The following SMAD3 variants were observed in gnomAD, a reference collection of about 807,000 sequenced individuals.
SMAD3 encodes the protein MAD homolog 3.
Under a neutral mutation model 51.8 loss-of-function variants are expected in SMAD3, and 12 were observed. That is an observed-to-expected ratio of 0.23 (90% CI 0.15 to 0.38). The LOEUF (loss-of-function observed/expected upper bound fraction) is 0.38. Ranked by LOEUF, SMAD3 falls within the 10% of genes least tolerant of loss-of-function variation. The pLI is 1.00. For missense variants in SMAD3, 294 were observed against 565.6 expected (o/e 0.52, Z 4.87); for synonymous variants, 238 against 227.7 (o/e 1.05, Z -0.41).
intron 5 of SMAD3, 21 bp downstream of exon 5, chr15:67,170,625 A>T (rs374087443): frequency 1.2e-6 from 2 of 1,608,192 alleles, no homozygotes; most frequent in Admixed American, 3.3e-5. Flanking sequence ...CCTTGTGCAC[A>T]CAACTGGAAC....
At chr15:67,118,058 T>C (rs1282442911) in intron 1 of SMAD3, among the ~76,000 whole-genome samples, 1 of 152,234 alleles carries the variant, frequency 6.6e-6, no homozygotes, top group African/African-American at 2.4e-5. Context: ...CACCGTTGCA[T>C]TCCAGCCTGG....
chr15:67,114,109 T>C (rs1370802001), intron 1 of SMAD3, among the ~76,000 whole-genome samples: 2 of 152,030 alleles, frequency 1.3e-5, no homozygotes, highest in African/African-American at 2.4e-5. Context: ...GCAGGTGGGG[T>C]TGTGTGCCCT....
chr15:67,119,181 C>T (rs551593556), intron 1 of SMAD3, among the ~76,000 whole-genome samples: 60 of 152,262 alleles, frequency 3.9e-4, no homozygotes, highest in African/African-American at 1.4e-3. Flanking sequence ...AGATGGTGCA[C>T]AGTGACATTG....
At chr15:67,161,064 T>C (rs1962418921) in intron 1 of SMAD3, among the ~76,000 whole-genome samples, 1 of 152,180 alleles carries the variant, frequency 6.6e-6, no homozygotes, top group Non-Finnish European at 1.5e-5. Context: ...CCTGTTTTCT[T>C]CTAGACATTT....
At position 67,190,469 on chromosome 15, in the gene SMAD3, T is replaced by G; in HGVS notation, c.1211T>G (p.Leu404Trp). The G allele has an allele frequency of 6.2e-7, 1 of 1,614,076 alleles. No homozygotes were observed. The highest frequency in any genetic ancestry group is 8.5e-7 in the Non-Finnish European group (1 of 1,179,940). ...ATTGAGCTGCACCTGAATGGGCCTT[T>G]GCAGTGGCTTGACAAGGTCCTCACC... ...CWIELHLNGPLQWLDKVLTQM... is the reference protein window; with the variant it reads ...CWIELHLNGPWQWLDKVLTQM... The change falls in exon 9 of 9, where the codon TTG (leucine) becomes TGG (tryptophan). Residue 404 changes from leucine (L) to tryptophan (W), a missense_variant. Leu to Trp is a moderately conservative substitution (Grantham distance 61). Transcript: ENST00000327367.
At chr15:67,180,144 G>A (rs1266645611) in intron 5 of SMAD3, among the ~76,000 whole-genome samples, 2 of 152,208 alleles carry the variant, frequency 1.3e-5, no homozygotes, top group Non-Finnish European at 2.9e-5. Context: ...CCAGCAGTCA[G>A]TGCAGTGCAG....
chr15:67,175,213 G>A (rs551227104), intron 5 of SMAD3, among the ~76,000 whole-genome samples: 5 of 152,306 alleles, frequency 3.3e-5, no homozygotes, highest in South Asian at 4.1e-4. Context: ...TGATTAGGGC[G>A]GAGCCATGAC....
At chr15:67,136,519 CAG>C (rs1248987933) in intron 1 of SMAD3, among the ~76,000 whole-genome samples, 1 of 152,046 alleles carries the variant, frequency 6.6e-6, no homozygotes, top group African/African-American at 2.4e-5. Context: ...TTAGTAGAGA[CAG>C]GGTTTCGCCA....
chr15:67,094,021 T>G (rs908945255), intron 1 of SMAD3, among the ~76,000 whole-genome samples: 3 of 152,224 alleles, frequency 2.0e-5, no homozygotes, highest in African/African-American at 7.2e-5. Context: ...ATTTTCTGTT[T>G]TAGGGCTCTT....
intron 1 of SMAD3, among the ~76,000 whole-genome samples, chr15:67,119,784 C>T (rs1961217930): frequency 6.6e-6 from 1 of 152,048 alleles, no homozygotes; most frequent in Admixed American, 6.6e-5. Context: ...CTAGTAACTT[C>T]AAGGGGTAAA....
At chr15:67,081,593 G>A (rs757558586) in intron 1 of SMAD3, among the ~76,000 whole-genome samples, 1 of 152,186 alleles carries the variant, frequency 6.6e-6, no homozygotes, top group Non-Finnish European at 1.5e-5. Flanking sequence ...GGAAAGTCAG[G>A]CATCAGAAGG....
At chr15:67,154,001 A>G (rs545261169) in intron 1 of SMAD3, among the ~76,000 whole-genome samples, 20 of 152,292 alleles carry the variant, frequency 1.3e-4, no homozygotes, top group Admixed American at 1.3e-3. Flanking sequence ...CAGCCCTCCC[A>G]AGGATAAGGC....
rs113523462 is a variant in SMAD3, at chr15:67,189,183, A to C, written c.1155-1230A>C. On this transcript the variant is annotated intron_variant, in intron 8 of 8. Transcript: ENST00000327367. ...AGGGAAATATTTAAAGATGGACTGC[A>C]GTGGAAAAGAGTAAGGGGATGTCCA... Among the ~76,000 whole-genome samples, 324 of 152,328 alleles carry C rather than the reference A, an allele frequency of 2.1e-3. 2 individuals are homozygous for C. Among genetic ancestry groups the C allele is most frequent in the African/African-American group, 7.6e-3 (317 of 41,574 alleles).
intron 1 of SMAD3, among the ~76,000 whole-genome samples, chr15:67,103,580 A>G (rs12594610): frequency 0.35 from 52,530 of 151,862 alleles, 9,610 homozygotes; most frequent in Middle Eastern, 0.51. Context: ...CCTGAGTCCC[A>G]CTCACCCTCC....
chr15:67,133,387 C>CT (rs1349814953), intron 1 of SMAD3, among the ~76,000 whole-genome samples: 103 of 147,414 alleles, frequency 7.0e-4, no homozygotes, highest in Admixed American at 1.3e-3. Context: ...ATTATATGCC[C>CT]TTTTTTTTTT....
chr15:67,076,405 G>A (rs541697098), intron 1 of SMAD3, among the ~76,000 whole-genome samples: 94 of 152,190 alleles, frequency 6.2e-4, no homozygotes, highest in Non-Finnish European at 1.1e-3. Flanking sequence ...ACTGATAGCT[G>A]CCCGTAAGTG....
chr15:67,114,482 T>C (rs1961092879), intron 1 of SMAD3, among the ~76,000 whole-genome samples: 2 of 152,182 alleles, frequency 1.3e-5, no homozygotes, highest in Non-Finnish European at 2.9e-5. Flanking sequence ...CCACACCCAA[T>C]AAAGGGCTTT....
intron 1 of SMAD3, among the ~76,000 whole-genome samples, chr15:67,121,877 ATC>A (rs1237234463): frequency 6.6e-6 from 1 of 152,238 alleles, no homozygotes; most frequent in Non-Finnish European, 1.5e-5. Flanking sequence ...TACAAATGCC[ATC>A]TGATTTCATT....
At chr15:67,149,170 G>C (rs1219620385) in intron 1 of SMAD3, among the ~76,000 whole-genome samples, 1 of 152,212 alleles carries the variant, frequency 6.6e-6, no homozygotes, top group Non-Finnish European at 1.5e-5. Context: ...GTCCCCACCT[G>C]CACCTCAGCG....
Sources: allele counts gnomAD v4.1 joint callset (sites outside exome capture counted in the v4.1 genomes callset), GRCh38; gene constraint gnomAD v4.1.1; transcripts MANE v1.5; gene names NCBI Gene and HGNC (gene_info 2026-07-23, HGNC 2026-07-21).